The following FAM171A1 variants were observed in gnomAD, a reference collection of about 807,000 sequenced individuals.
FAM171A1 encodes family with sequence similarity 171 member A1.
FAM171A1 carries 23 observed loss-of-function variants against 74.9 expected under a neutral mutation model. The observed-to-expected ratio is 0.31, with a 90% CI of 0.22 to 0.44. The LOEUF is 0.44. Among genes scored for constraint, FAM171A1 ranks in the 20% least tolerant of loss-of-function variants. The pLI is 1.00. For missense variants in FAM171A1, 1,162 were observed against 1,159.2 expected, an observed-to-expected ratio of 1.00 and a Z score of -0.03; for synonymous variants, 527 against 505.7, an observed-to-expected ratio of 1.04 and a Z score of -0.57.
chr10:15,271,026 G>A (rs1458010222), intron 3 of FAM171A1, among the ~76,000 whole-genome samples: 3 of 152,218 alleles, frequency 2.0e-5, no homozygotes, highest in Admixed American at 6.5e-5. Flanking sequence ...GCTGGACAGA[G>A]AATGACTTTG....
At chr10:15,229,641 A>ACCATTGTCACCC (rs1231907956) in intron 5 of FAM171A1, among the ~76,000 whole-genome samples, 1 of 126,368 alleles carries the variant, frequency 7.9e-6, no homozygotes, top group African/African-American at 3.1e-5. Context: ...CACCATCATC[A>ACCATTGTCACCC]CCATCACCAT....
At chr10:15,317,612 C>T (rs1355989447) in intron 1 of FAM171A1, among the ~76,000 whole-genome samples, 1 of 151,962 alleles carries the variant, frequency 6.6e-6, no homozygotes, top group Admixed American at 6.5e-5. Context: ...CCAGGCTGGT[C>T]TCAAACTCCT....
intron 3 of FAM171A1, among the ~76,000 whole-genome samples, chr10:15,266,260 C>CG (rs1834738958): frequency 6.6e-6 from 1 of 152,156 alleles, no homozygotes; most frequent in South Asian, 2.1e-4. Flanking sequence ...AGAAAGGGGA[C>CG]GAGAGCTGCT....
intron 3 of FAM171A1, among the ~76,000 whole-genome samples, chr10:15,268,186 G>T (rs149794059): frequency 5.5e-4 from 84 of 152,300 alleles, no homozygotes; most frequent in Non-Finnish European, 8.1e-4. Context: ...GTCCAGCCCT[G>T]AGTGGAAGGG....
intron 5 of FAM171A1, among the ~76,000 whole-genome samples, chr10:15,237,873 TC>T (rs1834314399): frequency 6.6e-6 from 1 of 152,192 alleles, no homozygotes; most frequent in Non-Finnish European, 1.5e-5. Flanking sequence ...GAGAGTTATT[TC>T]TTTATTTCTA....
chr10:15,338,817 T>C (rs1414411932), intron 1 of FAM171A1, among the ~76,000 whole-genome samples: 2 of 152,234 alleles, frequency 1.3e-5, no homozygotes, highest in Non-Finnish European at 2.9e-5. Flanking sequence ...CTTGGCATCC[T>C]GCAACCTCCA....
intron 4 of FAM171A1, 51 bp from the exon 5 acceptor site, chr10:15,248,866 G>A (rs768202849): frequency 2.6e-6 from 4 of 1,534,510 alleles, no homozygotes; most frequent in African/African-American, 1.4e-5. Flanking sequence ...ACCCATGTGG[G>A]GCTGTGGAAA....
chr10:15,291,334 T>C (rs953891237), intron 1 of FAM171A1, among the ~76,000 whole-genome samples: 2 of 152,176 alleles, frequency 1.3e-5, no homozygotes, highest in African/African-American at 2.4e-5. Flanking sequence ...CACTACCTGA[T>C]ATAGGGGCCA....
chr10:15,356,197 C>CATATATATAAATACATACATACATAT (rs1380870189), intron 1 of FAM171A1, among the ~76,000 whole-genome samples: 16 of 150,530 alleles, frequency 1.1e-4, no homozygotes, highest in African/African-American at 3.4e-4. Flanking sequence ...AAAATCAATT[C>CATATATATAAATACATACATACATAT]ATATATATAA....
intron 1 of FAM171A1, among the ~76,000 whole-genome samples, chr10:15,295,888 G>A (rs958324675): frequency 2.0e-5 from 3 of 152,154 alleles, no homozygotes; most frequent in African/African-American, 4.8e-5. Flanking sequence ...GAGTTACGAC[G>A]GCTTTTCATC....
chr10:15,367,471 G>C (rs887377442), intron 1 of FAM171A1, among the ~76,000 whole-genome samples: 1 of 152,138 alleles, frequency 6.6e-6, no homozygotes, highest in Non-Finnish European at 1.5e-5. Flanking sequence ...GAAGCCCAGC[G>C]GCCTCTGTGA....
chr10:15,275,954 G>GA lies in FAM171A1; in HGVS notation c.326-8dup. The GA allele has an allele frequency of 6.3e-7, 1 of 1,598,328 alleles. No homozygotes were observed. The stretch of plus-strand genomic sequence containing the variant: ...AGGCTCAGAGAGGAAAATACTGCAG[G>GA]AAAAAGAAATGGATAGAAGGGGATT... On this transcript the variant is annotated splice_region_variant and splice_polypyrimidine_tract_variant and intron_variant, in intron 2 of 7. Coordinates refer to ENST00000378116, the MANE Select transcript of FAM171A1 (RefSeq NM_001010924.2).
intron 1 of FAM171A1, among the ~76,000 whole-genome samples, chr10:15,369,178 G>A (rs911553285): frequency 7.0e-6 from 1 of 143,024 alleles, no homozygotes; most frequent in Middle Eastern, 3.8e-3. Context: ...TGGGTAAAAC[G>A]TGGTCTTAGA....
rs141231977 is a variant in FAM171A1, at chr10:15,355,677, T to A, written c.97+15279A>T. 8.2e-3 allele frequency among the ~76,000 whole-genome samples: 1,254 copies of A among 152,158 alleles called. 18 individuals are homozygous for A. The highest frequency in any genetic ancestry group is 0.029 in the African/African-American group (1,192 of 41,506). ...TTGCAGTGAGCCAAGATTGTGCCAC[T>A]GCACTTCAGCCTGGGCGACAGAGCA... On this transcript the variant is annotated intron_variant, in intron 1 of 7. Transcript: ENST00000378116.
At chr10:15,276,143 C>G (rs1834891605) in intron 2 of FAM171A1, among the ~76,000 whole-genome samples, 196 bp from the exon 3 acceptor site, 1 of 151,976 alleles carries the variant, frequency 6.6e-6, no homozygotes, top group Admixed American at 6.6e-5. Context: ...AATTACTTGC[C>G]TTACAATGGT....
intron 1 of FAM171A1, among the ~76,000 whole-genome samples, chr10:15,285,110 G>A (rs768976044): frequency 6.6e-6 from 1 of 152,180 alleles, no homozygotes; most frequent in Non-Finnish European, 1.5e-5. Context: ...TTTACTCTGT[G>A]CCTAGAATTG....
At chr10:15,340,751 G>T (rs1025547666) in intron 1 of FAM171A1, among the ~76,000 whole-genome samples, 10 of 152,218 alleles carry the variant, frequency 6.6e-5, no homozygotes, top group African/African-American at 2.2e-4. Flanking sequence ...GATAGTGAGT[G>T]TATTTGGATA....
At chr10:15,290,451 G>A (rs1172804500) in intron 1 of FAM171A1, among the ~76,000 whole-genome samples, 3 of 152,130 alleles carry the variant, frequency 2.0e-5, no homozygotes, top group African/African-American at 4.8e-5. Flanking sequence ...TACTCTGGCC[G>A]GACTCAGCAA....
chr10:15,243,837 C>G (rs1275614822), intron 5 of FAM171A1, among the ~76,000 whole-genome samples: 1 of 151,580 alleles, frequency 6.6e-6, no homozygotes, highest in Non-Finnish European at 1.5e-5. Context: ...AGCTCTGCCT[C>G]CCGGGTTTAC....
Sources: allele counts gnomAD v4.1 joint callset (sites outside exome capture counted in the v4.1 genomes callset), GRCh38; gene constraint gnomAD v4.1.1; transcripts MANE v1.5; gene names NCBI Gene and HGNC (gene_info 2026-07-23, HGNC 2026-07-21).